RIMS1: variants seen among roughly 807,000 people sequenced by gnomAD.
The protein encoded by RIMS1 is regulating synaptic membrane exocytosis 1.
Under a neutral mutation model 214.1 loss-of-function variants are expected in RIMS1, and 83 were observed. The observed-to-expected ratio is 0.39, with a 90% CI of 0.32 to 0.47. RIMS1 has a LOEUF of 0.47. RIMS1 is among the 20% of genes least tolerant of loss of function. RIMS1 has a pLI of 0.99. For synonymous variants in RIMS1, 793 were observed against 786.8 expected (o/e 1.01, Z -0.13); for missense variants, 2,050 against 2,161.8 (o/e 0.95, Z 1.03).
intron 2 of RIMS1, among the ~76,000 whole-genome samples, chr6:72,049,058 G>A (rs1189497002): frequency 6.6e-6 from 1 of 152,130 alleles, no homozygotes; most frequent in Non-Finnish European, 1.5e-5. Flanking sequence ...GACCACCAGG[G>A]GCTGAGCTCA....
intron 6 of RIMS1, among the ~76,000 whole-genome samples, chr6:72,213,810 C>T (rs994628663): frequency 6.6e-6 from 1 of 152,060 alleles, no homozygotes; most frequent in Non-Finnish European, 1.5e-5. Flanking sequence ...GAAGCAAGCT[C>T]AAAATTGCAT....
intron 26 of RIMS1, among the ~76,000 whole-genome samples, chr6:72,301,195 G>A (rs923150941): frequency 2.0e-5 from 3 of 151,578 alleles, no homozygotes; most frequent in African/African-American, 4.8e-5. Flanking sequence ...GATGTTATAA[G>A]GGAAAATGGG....
At chr6:71,908,834 TAA>T (rs1197963370) in intron 1 of RIMS1, among the ~76,000 whole-genome samples, 1 of 152,148 alleles carries the variant, frequency 6.6e-6, no homozygotes, top group African/African-American at 2.4e-5. Flanking sequence ...TTTAGAAAAT[TAA>T]GACCCAGAGC....
intron 6 of RIMS1, among the ~76,000 whole-genome samples, chr6:72,183,406 A>T (rs2048627238): frequency 6.6e-6 from 1 of 152,204 alleles, no homozygotes; most frequent in Non-Finnish European, 1.5e-5. Flanking sequence ...CATTCTGGTA[A>T]ATTTGGTATG....
intron 2 of RIMS1, among the ~76,000 whole-genome samples, chr6:72,079,585 A>G (rs1332916452): frequency 1.3e-5 from 2 of 152,186 alleles, no homozygotes; most frequent in South Asian, 2.1e-4. Context: ...CATGCACAGT[A>G]TGAAGCAGAA....
chr6:72,186,826 G>T (rs1203291086), intron 6 of RIMS1, among the ~76,000 whole-genome samples: 1 of 151,042 alleles, frequency 6.6e-6, no homozygotes, highest in Non-Finnish European at 1.5e-5. Context: ...CTATATATAG[G>T]AACAATTAAG....
chr6:72,111,293 TC>T (rs2036034303), intron 4 of RIMS1, among the ~76,000 whole-genome samples: 1 of 152,166 alleles, frequency 6.6e-6, no homozygotes, highest in Admixed American at 6.6e-5. Context: ...TCATACTTTT[TC>T]TCATCATCTT....
At chr6:72,215,860 C>T (rs1357287906) in intron 6 of RIMS1, among the ~76,000 whole-genome samples, 1 of 152,114 alleles carries the variant, frequency 6.6e-6, no homozygotes, top group East Asian at 1.9e-4. Flanking sequence ...TGAGATGATC[C>T]ATGGCTCAGT....
chr6:72,011,666 A>G (rs907381162), intron 2 of RIMS1, among the ~76,000 whole-genome samples: 7 of 152,194 alleles, frequency 4.6e-5, no homozygotes, highest in East Asian at 3.8e-4. Flanking sequence ...AAAAGTGGGC[A>G]AAGGACATGA....
In RIMS1 at chr6:72,296,250, C is replaced by T. The variant is rs539581619; in HGVS notation, c.3850+4204C>T. Among the ~76,000 whole-genome samples, 10 of 151,794 alleles carry T rather than the reference C, an allele frequency of 6.6e-5. No individual in the cohort carries two copies. In the East Asian group the frequency reaches 1.9e-3, roughly 29 times the overall value. ...ATACTGACAACTAGAAAACAATTCT[C>T]CTAGGAAAATGACATTTTCTTTGTT... On this transcript the variant is annotated intron_variant, in intron 26 of 33. Coordinates refer to ENST00000521978, the MANE Select transcript of RIMS1 (RefSeq NM_014989.7).
intron 2 of RIMS1, among the ~76,000 whole-genome samples, chr6:71,979,208 T>G (rs983241852): frequency 2.0e-5 from 3 of 152,012 alleles, no homozygotes; most frequent in Admixed American, 2.0e-4. Flanking sequence ...ACTATGTATA[T>G]GTGTGTGTGT....
intron 4 of RIMS1, among the ~76,000 whole-genome samples, chr6:72,134,863 GT>G: frequency 6.6e-6 from 1 of 152,228 alleles, no homozygotes; most frequent in East Asian, 1.9e-4. Context: ...ACAAATACCA[GT>G]AAGGGTCACA....
intron 6 of RIMS1, among the ~76,000 whole-genome samples, chr6:72,198,781 A>G (rs574049961): frequency 1.3e-5 from 2 of 151,962 alleles, no homozygotes; most frequent in East Asian, 3.9e-4. Context: ...ATAATTATGT[A>G]TAAATATTAT....
chr6:72,085,093 G>A (rs1005365956), intron 2 of RIMS1, among the ~76,000 whole-genome samples: 2 of 151,952 alleles, frequency 1.3e-5, no homozygotes, highest in Non-Finnish European at 2.9e-5. Context: ...ATAAGATGTT[G>A]TAAAGAAAAG....
Position 71,991,422 on chromosome 6 carries a change from G to A in RIMS1, c.245+22359G>A, listed in dbSNP as rs146766351. ...ACATCCTGAAACCCAGATTCTTTCC[G>A]TATTTTTAGGTCATACAAATGACTG... On this transcript the variant is annotated intron_variant, in intron 2 of 33. Transcript: ENST00000521978. 7.2e-3 allele frequency among the ~76,000 whole-genome samples: 1,088 copies of A among 152,072 alleles called. 12 individuals are homozygous for A. Among genetic ancestry groups the A allele is most frequent in the African/African-American group, 0.025 (1,017 of 41,480 alleles).
intron 2 of RIMS1, among the ~76,000 whole-genome samples, chr6:71,977,716 G>A (rs1583975920): frequency 1.3e-5 from 2 of 152,026 alleles, no homozygotes; most frequent in East Asian, 3.9e-4. Context: ...AGGCAGAAAG[G>A]ATGATGGTAT....
intron 2 of RIMS1, among the ~76,000 whole-genome samples, chr6:71,983,130 C>A (rs1378794823): frequency 6.6e-6 from 1 of 152,102 alleles, no homozygotes; most frequent in Non-Finnish European, 1.5e-5. Flanking sequence ...CCCCCTTCAC[C>A]AAAATTTTTT....
At chr6:72,367,510 G>T (rs1266437760) in intron 29 of RIMS1, among the ~76,000 whole-genome samples, 1 of 152,152 alleles carries the variant, frequency 6.6e-6, no homozygotes, top group Middle Eastern at 3.2e-3. Context: ...ATAATTTGAT[G>T]AAATTTCAAA....
Position 72,134,774 on chromosome 6 carries a change from AATT to A in RIMS1, c.471+34790_471+34792del, listed in dbSNP as rs1432983768. On this transcript the variant is annotated intron_variant, in intron 4 of 33. Transcript: ENST00000521978. ...AAAATTTGATCACTTAGTTTTCAATAATTAAGTTCTAAAAAAGAAATAAAAATA... is the reference window on the plus strand; with the variant it reads ...AAAATTTGATCACTTAGTTTTCAATAAAGTTCTAAAAAAGAAATAAAAATA... Among the ~76,000 whole-genome samples, 67 of 152,218 alleles carry A rather than the reference AATT, an allele frequency of 4.4e-4. 2 individuals are homozygous for A. The highest frequency in any genetic ancestry group is 3.8e-3 in the Admixed American group (58 of 15,276).
Sources: allele counts gnomAD v4.1 joint callset (sites outside exome capture counted in the v4.1 genomes callset), GRCh38; gene constraint gnomAD v4.1.1; transcripts MANE v1.5; gene names NCBI Gene and HGNC (gene_info 2026-07-23, HGNC 2026-07-21).